The following ANOS1 variants were observed in gnomAD, a reference collection of about 807,000 sequenced individuals.
ANOS1 encodes anosmin-1.
ANOS1 carries 6 observed loss-of-function variants against 59.0 expected under a neutral mutation model. That is an observed-to-expected ratio of 0.10 (90% confidence interval 0.06 to 0.20). The LOEUF is 0.20. Among genes scored for constraint, ANOS1 ranks in the 10% least tolerant of loss-of-function variants. ANOS1 has a pLI of 1.00. For synonymous variants in ANOS1, 217 were observed against 223.4 expected (o/e 0.97, Z 0.25); for missense variants, 433 against 542.3 (o/e 0.80, Z 2.00).
chrX:8,669,109 C>T (rs941915820), intron 2 of ANOS1, among the ~76,000 whole-genome samples: 1 of 111,772 alleles, frequency 8.9e-6, no homozygotes, highest in African/African-American at 3.3e-5. Context: ...CTTGGTGGTG[C>T]CTTCCTCCCT....
intron 4 of ANOS1, among the ~76,000 whole-genome samples, chrX:8,591,767 C>T (rs1042619526): frequency 8.9e-6 from 1 of 112,447 alleles, no homozygotes; most frequent in African/African-American, 3.2e-5. Flanking sequence ...CCAGCCCTCA[C>T]TGCCGGGGCG....
chrX:8,554,542 G>GTTTTGTTTTTT (rs1929911767), intron 8 of ANOS1, among the ~76,000 whole-genome samples: 1 of 50,826 alleles, frequency 2.0e-5, no homozygotes, highest in Admixed American at 3.2e-4. Context: ...GGCTACAGGA[G>GTTTTGTTTTTT]TTTTTTTTTT....
chrX:8,535,986 T>G (rs992705036), intron 11 of ANOS1, among the ~76,000 whole-genome samples, 175 bp from the exon 12 acceptor site: 1 of 110,688 alleles, frequency 9.0e-6, no homozygotes, highest in South Asian at 3.9e-4. Context: ...TGGGGATAGG[T>G]TGAGTAGGAA....
intron 2 of ANOS1, among the ~76,000 whole-genome samples, chrX:8,634,166 A>C (rs1931535618): frequency 9.0e-6 from 1 of 111,220 alleles, no homozygotes; most frequent in Admixed American, 9.6e-5. Context: ...CTTGTTCTTA[A>C]GAAATGCATG....
intron 1 of ANOS1, among the ~76,000 whole-genome samples, chrX:8,728,425 C>T (rs757090910): frequency 8.9e-6 from 1 of 111,965 alleles, no homozygotes; most frequent in East Asian, 2.8e-4. Context: ...AGGGCAGGTG[C>T]TTCTCTCCCC....
chrX:8,576,436 G>C (rs1024796734), intron 6 of ANOS1, among the ~76,000 whole-genome samples: 4 of 107,932 alleles, frequency 3.7e-5, no homozygotes, highest in Non-Finnish European at 5.7e-5. Flanking sequence ...AATGTAGTTG[G>C]AGATTTCCAT....
At chrX:8,602,643 CTG>C (rs1466785723) in intron 3 of ANOS1, among the ~76,000 whole-genome samples, 4 of 111,411 alleles carry the variant, frequency 3.6e-5, no homozygotes, top group African/African-American at 1.3e-4. Context: ...AAATTGTTAA[CTG>C]TAAATTTAGT....
At chrX:8,589,748 C>T (rs1156701972) in intron 4 of ANOS1, among the ~76,000 whole-genome samples, 2 of 111,991 alleles carry the variant, frequency 1.8e-5, no homozygotes, top group Admixed American at 1.9e-4. Context: ...TGCTGCTAAG[C>T]AAATGTTTTT....
At chrX:8,674,990 T>C (rs1163525821) in intron 2 of ANOS1, among the ~76,000 whole-genome samples, 1 of 111,742 alleles carries the variant, frequency 8.9e-6, no homozygotes, top group African/African-American at 3.3e-5. Flanking sequence ...ATCAACCTCA[T>C]GTAATGTAAC....
chrX:8,657,598 A>G (rs1245820675), intron 2 of ANOS1, among the ~76,000 whole-genome samples: 1 of 108,276 alleles, frequency 9.2e-6, no homozygotes, highest in African/African-American at 3.4e-5. Context: ...CCTCCTGAGT[A>G]GCTGGGATTA....
chrX:8,553,217 TAAAC>T (rs1170385224), intron 9 of ANOS1, among the ~76,000 whole-genome samples: 9 of 108,576 alleles, frequency 8.3e-5, no homozygotes, highest in Admixed American at 3.0e-4. Flanking sequence ...AAAAAAAAAA[TAAAC>T]AAAAAGAATT....
intron 3 of ANOS1, among the ~76,000 whole-genome samples, chrX:8,606,853 C>T (rs1257128731): frequency 1.8e-5 from 2 of 112,814 alleles, no homozygotes; most frequent in African/African-American, 3.2e-5. Flanking sequence ...TGTGGTGGCT[C>T]ACGCCTGTAA....
rs781097682 is a variant in ANOS1, at chrX:8,619,405, A to G, written c.318+4203T>C. Among the ~76,000 whole-genome samples, 6 of 111,391 alleles carry G rather than the reference A, an allele frequency of 5.4e-5. No individual in the cohort carries two copies. The East Asian group carries it at 1.4e-3, about 26-fold the overall frequency. ...CGGATCACAAGGTCAGGAGATGGAG[A>G]CCATCCTGGCCAACATGGTGAAACC... is the stretch of plus-strand genomic sequence containing the variant. On this transcript the variant is annotated intron_variant, in intron 3 of 13. Transcript: ENST00000262648.
Position 8,616,817 on chromosome X carries a change from A to G in ANOS1, c.318+6791T>C, listed in dbSNP as rs150827556. ...TCAGTGGATTAGATTGTACCAAGTAAAAGAAAAAGCCTGAGTGTCTCACCC... is the reference window on the plus strand; with the variant it reads ...TCAGTGGATTAGATTGTACCAAGTAGAAGAAAAAGCCTGAGTGTCTCACCC... On this transcript the variant is annotated intron_variant, in intron 3 of 13. Coordinates refer to ENST00000262648, the MANE Select transcript of ANOS1 (RefSeq NM_000216.4). 3.3e-3 allele frequency among the ~76,000 whole-genome samples: 373 copies of G among 111,840 alleles called. 3 individuals carry two copies. Among genetic ancestry groups the G allele is most frequent in the African/African-American group, 0.012 (357 of 30,766 alleles).
intron 5 of ANOS1, among the ~76,000 whole-genome samples, chrX:8,586,536 A>T (rs953918300): frequency 8.9e-6 from 1 of 112,123 alleles, no homozygotes; most frequent in African/African-American, 3.2e-5. Flanking sequence ...CAGCAACAAT[A>T]ATAAAAGAGC....
chrX:8,712,786 T>C (rs1932819788), intron 1 of ANOS1, among the ~76,000 whole-genome samples: 1 of 112,535 alleles, frequency 8.9e-6, no homozygotes, highest in Non-Finnish European at 1.9e-5. Context: ...AGTAGTCCAG[T>C]TTTGGTGAAA....
intron 1 of ANOS1, among the ~76,000 whole-genome samples, chrX:8,727,787 C>G (rs138000561): frequency 0.055 from 6,186 of 112,290 alleles, 173 homozygotes; most frequent in Non-Finnish European, 0.084. Context: ...CCACCATTCC[C>G]GAGTCTGGCC....
rs1278967197 is a variant in ANOS1 at position 8,589,590 on chromosome X, T to C, written c.542-1612A>G. On this transcript the variant is annotated intron_variant, in intron 4 of 13. Transcript: ENST00000262648. ...ACATTCTTATTCTAAGATCCTCAGC[T>C]TTCCTGGTGGATCTGGAACTTCACC... 3.6e-5 allele frequency among the ~76,000 whole-genome samples: 4 copies of C among 112,262 alleles called. No homozygotes were observed. The East Asian group carries it at 1.1e-3, about 31-fold the overall frequency.
At chrX:8,547,860 G>C (rs1267076191) in intron 9 of ANOS1, among the ~76,000 whole-genome samples, 1 of 111,042 alleles carries the variant, frequency 9.0e-6, no homozygotes, top group Non-Finnish European at 1.9e-5. Context: ...GGGACTACAG[G>C]CATGCACCCC....
Sources: allele counts gnomAD v4.1 joint callset (sites outside exome capture counted in the v4.1 genomes callset), GRCh38; gene constraint gnomAD v4.1.1; transcripts MANE v1.5; gene names NCBI Gene and HGNC (gene_info 2026-07-23, HGNC 2026-07-21).